Variants in RNF169 observed in about 807,000 individuals in gnomAD.
RNF169 encodes E3 ubiquitin-protein ligase RNF169.
A neutral mutation model predicts 53.9 loss-of-function variants in RNF169; 24 were observed. The ratio of observed to expected loss-of-function variants is 0.45; its 90% CI spans 0.32 to 0.63. The LOEUF (loss-of-function observed/expected upper bound fraction) is 0.63, where lower values mean the gene tolerates loss of function less well. Among genes scored for constraint, RNF169 ranks in the 20% least tolerant of loss-of-function variants. RNF169 has a pLI of 0.04. For missense variants in RNF169, 883 were observed against 906.2 expected, an observed-to-expected ratio of 0.97 and a Z score of 0.33; for synonymous variants, 396 against 363.5, an observed-to-expected ratio of 1.09 and a Z score of -1.02.
chr11:74,804,742 G>T (rs2035780895), intron 2 of RNF169, among the ~76,000 whole-genome samples: 1 of 152,126 alleles, frequency 6.6e-6, no homozygotes, highest in African/African-American at 2.4e-5. Context: ...TGGTAAAACT[G>T]TTTTATTATA....
chr11:74,833,175 TTA>T (rs2036205150), intron 4 of RNF169, among the ~76,000 whole-genome samples: 3 of 152,174 alleles, frequency 2.0e-5, no homozygotes, highest in Admixed American at 2.0e-4. Context: ...ATAGAAGCCC[TTA>T]TGAGTGGGTA....
chr11:74,775,910 C>T lies in RNF169; in HGVS notation c.503-13716C>T, dbSNP rs7927371. Among the ~76,000 whole-genome samples the T allele has an allele frequency of 3.9e-3, 601 of 152,156 alleles. 2 individuals carry two copies. The highest frequency in any genetic ancestry group is 0.012 in the African/African-American group (484 of 41,494). On this transcript the variant is annotated intron_variant, in intron 1 of 5. Coordinates refer to ENST00000299563, the MANE Select transcript of RNF169 (RefSeq NM_001098638.2). ...AATATGTTATCTGGAATGTATTAGACGCTCAGTAAATACTTAATGAAGGAA... is the reference window on the plus strand; with the variant it reads ...AATATGTTATCTGGAATGTATTAGATGCTCAGTAAATACTTAATGAAGGAA...
At chr11:74,767,415 A>AT (rs1425275252) in intron 1 of RNF169, among the ~76,000 whole-genome samples, 4 of 145,480 alleles carry the variant, frequency 2.7e-5, no homozygotes, top group Non-Finnish European at 4.4e-5. Context: ...TTTTATTTTT[A>AT]TTTTTTTTGA....
chr11:74,841,566 G>A lies in RNF169; in HGVS notation c.*4836G>A, dbSNP rs2036553977. On this transcript the variant is annotated 3_prime_UTR_variant, in exon 6 of 6. Transcript: ENST00000299563. ...AAAATTTACTCTCTCTCCTTTGTGA[G>A]TAAATGCCTCCTTAATGCCTTTTAA... is the stretch of plus-strand genomic sequence containing the variant. 6.6e-6 allele frequency: 1 copy of A among 152,162 alleles called. No homozygotes were observed. Among genetic ancestry groups the A allele is most frequent in the East Asian group, 1.9e-4 (1 of 5,196 alleles). 9.4% of individuals were successfully genotyped at this position (152,162 alleles called of 1,614,324 possible). A position where few individuals can be genotyped will look rare whatever the true frequency, so the allele number is the denominator to read the frequency against.
intron 2 of RNF169, among the ~76,000 whole-genome samples, chr11:74,794,144 TAGTA>T (rs1218370307): frequency 1.3e-5 from 2 of 152,186 alleles, no homozygotes; most frequent in African/African-American, 4.8e-5. Flanking sequence ...AGGGTTCTCT[TAGTA>T]AGGAAGGAGA....
Position 74,780,041 on chromosome 11 carries a change from A to G in RNF169, c.503-9585A>G, listed in dbSNP as rs137863317. ...TCTTGTGTATCTTTGCACTTAACATATGTTTCATTGTAAAAGATGTGCTTT... is the reference window on the plus strand; with the variant it reads ...TCTTGTGTATCTTTGCACTTAACATGTGTTTCATTGTAAAAGATGTGCTTT... On this transcript the variant is annotated intron_variant, in intron 1 of 5. Transcript: ENST00000299563. Among the ~76,000 whole-genome samples, 175 of 152,248 alleles carry G rather than the reference A, an allele frequency of 1.1e-3. 2 individuals carry two copies. In the East Asian group the frequency reaches 0.027, roughly 24 times the overall value.
chr11:74,763,595 TGAA>T (rs1021545292), intron 1 of RNF169, among the ~76,000 whole-genome samples: 1 of 152,146 alleles, frequency 6.6e-6, no homozygotes, highest in African/African-American at 2.4e-5. Context: ...TTTACACAGA[TGAA>T]GAGAGATTAG....
At chr11:74,785,189 A>T (rs1377022485) in intron 1 of RNF169, among the ~76,000 whole-genome samples, 1 of 120,244 alleles carries the variant, frequency 8.3e-6, no homozygotes, top group Non-Finnish European at 1.5e-5. Context: ...TATATATGAT[A>T]TATATATGAT....
Position 74,755,564 on chromosome 11 carries a change from G to T in RNF169, c.502+6182G>T, listed in dbSNP as rs949474872. Among the ~76,000 whole-genome samples, 64 of 152,356 alleles carry T rather than the reference G, an allele frequency of 4.2e-4. 1 individual carries two copies. The highest frequency in any genetic ancestry group is 1.5e-3 in the African/African-American group (62 of 41,580). ...TCTTTAAGACTCCACAGTGTGGTTG[G>T]GGAAACACATACTCAAATAACAATA... On this transcript the variant is annotated intron_variant, in intron 1 of 5. Transcript: ENST00000299563.
intron 4 of RNF169, 44 bp from the exon 5 acceptor site, chr11:74,834,632 A>AT (rs745640904): frequency 1.5e-5 from 21 of 1,444,992 alleles, no homozygotes; most frequent in Non-Finnish European, 1.9e-5. Flanking sequence ...TTACCTATAT[A>AT]TGGACTAATT....
chr11:74,833,830 CAT>C (rs1211279641), intron 4 of RNF169, among the ~76,000 whole-genome samples: 3 of 152,140 alleles, frequency 2.0e-5, no homozygotes, highest in Non-Finnish European at 2.9e-5. Flanking sequence ...ATAATTCTAA[CAT>C]AGATTCACAT....
intron 2 of RNF169, among the ~76,000 whole-genome samples, chr11:74,804,692 T>TA (rs2035780185): frequency 6.6e-6 from 1 of 152,206 alleles, no homozygotes; most frequent in Non-Finnish European, 1.5e-5. Context: ...TGAATAGAAA[T>TA]ATGCTGTAGG....
intron 1 of RNF169, among the ~76,000 whole-genome samples, chr11:74,762,828 C>T (rs762499481): frequency 6.6e-5 from 10 of 152,070 alleles, no homozygotes; most frequent in Non-Finnish European, 1.0e-4. Context: ...ATGGAACTAC[C>T]GACCAAAACT....
At chr11:74,808,821 T>C (rs2035837551) in intron 2 of RNF169, among the ~76,000 whole-genome samples, 1 of 152,246 alleles carries the variant, frequency 6.6e-6, no homozygotes, top group Non-Finnish European at 1.5e-5. Context: ...AAATCTTTTA[T>C]GTGGGCAGTT....
At chr11:74,807,043 G>A (rs1262374536) in intron 2 of RNF169, among the ~76,000 whole-genome samples, 1 of 151,732 alleles carries the variant, frequency 6.6e-6, no homozygotes, top group Non-Finnish European at 1.5e-5. Context: ...ATGTGCAGAT[G>A]TCAATAACTT....
chr11:74,754,663 A>C (rs1364737696), intron 1 of RNF169, among the ~76,000 whole-genome samples: 2 of 152,090 alleles, frequency 1.3e-5, no homozygotes, highest in Non-Finnish European at 2.9e-5. Context: ...TTTACTAAAA[A>C]CACAAGAATT....
chr11:74,805,957 C>T (rs2035797997), intron 2 of RNF169, among the ~76,000 whole-genome samples: 1 of 151,366 alleles, frequency 6.6e-6, no homozygotes, highest in South Asian at 2.1e-4. Context: ...CTACATATAC[C>T]GAGCGACAGC....
intron 1 of RNF169, among the ~76,000 whole-genome samples, chr11:74,770,524 A>T (rs185421204): frequency 3.3e-5 from 5 of 152,352 alleles, no homozygotes; most frequent in African/African-American, 9.6e-5. Flanking sequence ...GGTTACTGAC[A>T]TCTAAACATA....
At chr11:74,804,953 A>T (rs2035784583) in intron 2 of RNF169, among the ~76,000 whole-genome samples, 1 of 152,256 alleles carries the variant, frequency 6.6e-6, no homozygotes, top group African/African-American at 2.4e-5. Context: ...AGTATAAAAT[A>T]TAACCACCAT....
Sources: gnomAD v4.1 joint callset for allele counts (sites outside exome capture counted in the v4.1 genomes callset) on GRCh38, gnomAD v4.1.1 for gene constraint, MANE v1.5 for transcripts, NCBI Gene and HGNC (gene_info 2026-07-23, HGNC 2026-07-21) for gene names.